TSPAN19: variants seen among roughly 807,000 people sequenced by gnomAD.
TSPAN19 encodes the protein tetraspanin-19.
A neutral mutation model predicts 35.1 loss-of-function variants in TSPAN19; 44 were observed. The ratio of observed to expected loss-of-function variants is 1.25; its 90% CI spans 0.98 to 1.61. The LOEUF is 1.61. TSPAN19 is among the 40% of genes most tolerant of loss of function. The pLI is 0.00. For synonymous variants in TSPAN19, 79 were observed against 92.0 expected, an observed-to-expected ratio of 0.86 and a Z score of 0.81; for missense variants, 290 against 280.0, an observed-to-expected ratio of 1.04 and a Z score of -0.26.
intron 3 of TSPAN19, 28 bp downstream of exon 3, chr12:85,029,691 T>C (rs772681888): frequency 6.7e-7 from 1 of 1,496,362 alleles, no homozygotes; most frequent in Non-Finnish European, 9.0e-7. Flanking sequence ...TCTATTTCAC[T>C]GAGAGAAAAA....
intron 4 of TSPAN19, 99 bp downstream of exon 4, chr12:85,027,800 A>T: frequency 8.5e-7 from 1 of 1,174,172 alleles, no homozygotes; most frequent in Non-Finnish European, 1.2e-6. Flanking sequence ...GACATACTCT[A>T]CTGCAGTGCC....
At chr12:85,028,135 T>C in intron 3 of TSPAN19, 112 bp from the exon 4 acceptor site, 1 of 857,170 alleles carries the variant, frequency 1.2e-6, no homozygotes, top group Non-Finnish European at 1.7e-6. Context: ...TCTGAGCAGC[T>C]GTTGCCAAAC....
intron 1 of TSPAN19, among the ~76,000 whole-genome samples, chr12:85,032,933 A>G (rs1212177887): frequency 6.6e-6 from 1 of 152,148 alleles, no homozygotes; most frequent in Non-Finnish European, 1.5e-5. Flanking sequence ...TACAATAATT[A>G]ATCTATTCAT....
chr12:85,035,661 G>T (rs1273689019), intron 1 of TSPAN19, among the ~76,000 whole-genome samples: 1 of 141,864 alleles, frequency 7.0e-6, no homozygotes, highest in Non-Finnish European at 1.6e-5. Flanking sequence ...AACTTTAAAA[G>T]AAAATTAAAG....
chr12:85,028,546 T>C (rs997848842), intron 3 of TSPAN19, among the ~76,000 whole-genome samples: 29 of 152,184 alleles, frequency 1.9e-4, no homozygotes, highest in African/African-American at 7.0e-4. Context: ...TGCTTGGTGC[T>C]ATGGCACAAA....
intron 7 of TSPAN19, chr12:85,016,686 A>C (rs1876825960): frequency 6.6e-6 from 1 of 151,946 alleles, no homozygotes; most frequent in Non-Finnish European, 1.5e-5. Flanking sequence ...AACAGTGTGC[A>C]ATTGAAAACT....
chr12:85,029,044 G>A (rs1877559018), intron 3 of TSPAN19, among the ~76,000 whole-genome samples: 2 of 152,142 alleles, frequency 1.3e-5, no homozygotes, highest in African/African-American at 4.8e-5. Flanking sequence ...GGCACTTACA[G>A]TTTGAGTCAG....
Position 85,027,943 on chromosome 12 carries a change from C to A in TSPAN19, c.220G>T (p.Gly74Cys), listed in dbSNP as rs1304303878. ...GSSTVLFCLL[G>C]YIGIHNEIRW... ...ATTTCGTTGTGAATTCCTATATAACCCAATAGACAAAAAAGAACAGTAGAA... is the reference window on the plus strand; with the variant it reads ...ATTTCGTTGTGAATTCCTATATAACACAATAGACAAAAAAGAACAGTAGAA... The change falls in exon 4 of 9, where the codon GGT becomes TGT. Residue 74 changes from glycine to cysteine, a missense_variant. Transcript: ENST00000532498. 6.3e-7 allele frequency: 1 copy of A among 1,596,448 alleles called. No individual in the cohort carries two copies. Among genetic ancestry groups the A allele is most frequent in the African/African-American group, 1.3e-5 (1 of 74,464 alleles).
chr12:85,026,059 A>T (rs1311725667), intron 4 of TSPAN19, among the ~76,000 whole-genome samples: 1 of 152,176 alleles, frequency 6.6e-6, no homozygotes, highest in East Asian at 1.9e-4. Context: ...GTATATCCTT[A>T]TGATGGCGTC....
chr12:85,015,731 A>T, intron 8 of TSPAN19, 157 bp downstream of exon 8: 1 of 513,034 alleles, frequency 1.9e-6, no homozygotes, highest in Non-Finnish European at 3.3e-6. Flanking sequence ...TGGCTGATTA[A>T]GGAATCACCT....
intron 7 of TSPAN19, chr12:85,016,956 T>C (rs1315192196): frequency 6.6e-6 from 1 of 152,426 alleles, no homozygotes; most frequent in Non-Finnish European, 1.5e-5. Context: ...GTTCTTAGGA[T>C]GAAAAAATCT....
At chr12:85,035,114 C>T (rs761761611) in intron 1 of TSPAN19, 24 of 151,996 alleles carry the variant, frequency 1.6e-4, no homozygotes, top group Non-Finnish European at 2.4e-4. Flanking sequence ...GTTTGAGGTT[C>T]GAACACAGTA....
intron 1 of TSPAN19, among the ~76,000 whole-genome samples, chr12:85,031,146 C>T (rs762717288): frequency 2.6e-5 from 4 of 152,076 alleles, no homozygotes; most frequent in Admixed American, 6.6e-5. Flanking sequence ...GTGTTCTTCT[C>T]AGTTTACGGA....
At chr12:85,022,220 C>T (rs946435330) in intron 5 of TSPAN19, among the ~76,000 whole-genome samples, 31 of 151,944 alleles carry the variant, frequency 2.0e-4, no homozygotes, top group South Asian at 8.3e-4. Context: ...CACACACAAA[C>T]ACACGCACAC....
chr12:85,015,789 T>C (rs1387055181), intron 8 of TSPAN19, 99 bp downstream of exon 8: 3 of 820,968 alleles, frequency 3.7e-6, no homozygotes, highest in African/African-American at 1.8e-5. Context: ...CTCTATTATA[T>C]GAACTTATCT....
At chr12:85,031,168 T>TG (rs1400983301) in intron 1 of TSPAN19, among the ~76,000 whole-genome samples, 2 of 152,120 alleles carry the variant, frequency 1.3e-5, no homozygotes, top group Non-Finnish European at 2.9e-5. Flanking sequence ...TCACTACAGG[T>TG]TATATCTTCT....
intron 6 of TSPAN19, among the ~76,000 whole-genome samples, chr12:85,018,182 T>C (rs921801157): frequency 6.6e-6 from 1 of 151,902 alleles, no homozygotes; most frequent in South Asian, 2.1e-4. Flanking sequence ...TGGAATCCTA[T>C]CAAGCAGAGT....
chr12:85,033,908 G>A (rs984912533), intron 1 of TSPAN19, among the ~76,000 whole-genome samples: 2 of 152,006 alleles, frequency 1.3e-5, no homozygotes, highest in Non-Finnish European at 2.9e-5. Context: ...TAGTTATCTC[G>A]TTATATCATA....
Position 85,016,262 on chromosome 12 carries a change from T to C in TSPAN19, c.595-291A>G, listed in dbSNP as rs1297909684. 5 of 230,534 alleles carry C rather than the reference T, an allele frequency of 2.2e-5. No homozygotes were observed. In the Admixed American group the frequency reaches 2.9e-4, roughly 14 times the overall value. 14.3% of individuals were successfully genotyped at this position (230,534 alleles called of 1,614,324 possible). A position where few individuals can be genotyped will look rare whatever the true frequency, so the allele number is the denominator to read the frequency against. On this transcript the variant is annotated intron_variant, in intron 7 of 8. Coordinates refer to ENST00000532498, the MANE Select transcript of TSPAN19 (RefSeq NM_001100917.2). The stretch of plus-strand genomic sequence containing the variant: ...TGCAGACTATTGTAATTCATCAGGA[T>C]ACAGTAGTTTCCCTACTTACCCACC...
Sources: allele counts gnomAD v4.1 joint callset (sites outside exome capture counted in the v4.1 genomes callset), GRCh38; gene constraint gnomAD v4.1.1; transcripts MANE v1.5; gene names NCBI Gene and HGNC (gene_info 2026-07-23, HGNC 2026-07-21).